The following IRS2 variants were observed in gnomAD, a reference collection of about 807,000 sequenced individuals.
IRS2 encodes insulin receptor substrate 2.
A neutral mutation model predicts 70.9 loss-of-function variants in IRS2; 28 were observed. The observed-to-expected ratio is 0.39, with a 90% CI of 0.29 to 0.54. The LOEUF is 0.54. Ranked by LOEUF, IRS2 falls within the 20% of genes least tolerant of loss-of-function variation. IRS2 has a pLI of 0.59. For missense variants in IRS2, 2,081 were observed against 2,024.1 expected (o/e 1.03, Z -0.54); for synonymous variants, 1,217 against 981.9 (o/e 1.24, Z -4.48).
At chr13:109,779,669 G>A (rs941468858) in intron 1 of IRS2, among the ~76,000 whole-genome samples, 4 of 151,908 alleles carry the variant, frequency 2.6e-5, no homozygotes, top group African/African-American at 4.8e-5. Flanking sequence ...TTTAAATGTC[G>A]TTGGGCATGG....
At position 109,783,935 on chromosome 13, in the gene IRS2, G is replaced by C. The variant is rs1877819485; in HGVS notation, c.2119C>G (p.Pro707Ala). 5 of 1,539,296 alleles carry C rather than the reference G, an allele frequency of 3.2e-6. No individual in the cohort carries two copies. The highest frequency in any genetic ancestry group is 4.4e-6 in the Non-Finnish European group (5 of 1,144,246). The change falls in exon 1 of 2, where the codon CCT becomes GCT. Residue 707 changes from proline (P) to alanine (A), a missense_variant. Physicochemically the swap from Pro to Ala is conservative, Grantham distance 27. This residue lies in a region of IRS2 where 1,615 missense variants were observed against 1,459.5 expected (regional missense o/e 1.11). Transcript: ENST00000375856. ...GCAGAGGTGGGTGCTGGCCCCGCAG[G>C]CCCCGCAGAAGGCACGGCGGCGGCG... ...AAAAAVPSAGPAGPAPTSAAG... is the reference protein window; with the variant it reads ...AAAAAVPSAGAAGPAPTSAAG...
In IRS2 at chr13:109,782,408, G is replaced by T. The variant is rs1395257802; in HGVS notation, c.3646C>A (p.Gln1216Lys). ...TGACCCGGGGTCCACGGCCGGCCCT[G>T]CGGTGCCAAAGGGGGCGCCGGCTGC... ...QLQPAPPLAP[Q>K]GRPWTPGQPG... The change falls in exon 1 of 2, where the codon CAG (glutamine) becomes AAG (lysine). Residue 1216 changes from glutamine to lysine, a missense_variant. Gln to Lys is a moderately conservative substitution (Grantham distance 53). Coordinates refer to ENST00000375856, the MANE Select transcript of IRS2 (RefSeq NM_003749.3). 3 of 1,604,054 alleles carry T rather than the reference G, an allele frequency of 1.9e-6. No homozygotes were observed. The highest frequency in any genetic ancestry group is 2.7e-5 in the African/African-American group (2 of 74,660).
chr13:109,763,468 A>C (rs1213295485), intron 1 of IRS2, among the ~76,000 whole-genome samples: 1 of 152,210 alleles, frequency 6.6e-6, no homozygotes, highest in Non-Finnish European at 1.5e-5. Flanking sequence ...GTGCTCAATA[A>C]ATCTAATCAT....
At position 109,784,554 on chromosome 13, in the gene IRS2, C is replaced by G. The variant is rs1284876231; in HGVS notation, c.1500G>C (p.Leu500=). The G allele has an allele frequency of 6.9e-7, 1 of 1,454,960 alleles. No homozygotes were observed. Among genetic ancestry groups the G allele is most frequent in the Admixed American group, 2.5e-5 (1 of 39,720 alleles). 90.1% of individuals were successfully genotyped at this position (1,454,960 alleles called of 1,614,324 possible). A position where few individuals can be genotyped will look rare whatever the true frequency, so the allele number is the denominator to read the frequency against. The change falls in exon 1 of 2, where the codon CTG becomes CTC. Residue 500 remains leucine, a synonymous_variant. Coordinates refer to ENST00000375856, the MANE Select transcript of IRS2 (RefSeq NM_003749.3). This position sits in a 1 kb window ranked among gnomAD's most constrained non-coding sequence, Gnocchi z 5.2. The part of the protein sequence containing the change: ...GSPSDPGFMS[L]DEYGSSPGDL... ...CGCCTGGGCTGGAGCCGTACTCGTC[C>G]AGGGACATGAAGCCGGGGTCGCTGG...
At chr13:109,761,340 G>T (rs1181515252) in intron 1 of IRS2, among the ~76,000 whole-genome samples, 1 of 152,224 alleles carries the variant, frequency 6.6e-6, no homozygotes, top group African/African-American at 2.4e-5. Context: ...TTGACAAAAT[G>T]AAACGATACA....
chr13:109,757,537 T>G (rs1877132888), intron 1 of IRS2, among the ~76,000 whole-genome samples: 1 of 152,134 alleles, frequency 6.6e-6, no homozygotes, highest in African/African-American at 2.4e-5. Context: ...CCACATCTCC[T>G]TATGAACTCG....
Position 109,784,718 on chromosome 13 carries a change from C to A in IRS2, c.1336G>T (p.Gly446Cys). ...AHSPPAATSP[G>C]SLSSSSGHGS... ...TGGCCGCTGCTGGACGACAGGGAGCCGGGGCTGGTGGCGGCGGGCGGCGAG... is the reference window on the plus strand; with the variant it reads ...TGGCCGCTGCTGGACGACAGGGAGCAGGGGCTGGTGGCGGCGGGCGGCGAG... Residue 446 changes from glycine to cysteine, a missense_variant, in exon 1 of 2, where the codon GGC (glycine) becomes TGC (cysteine). By Grantham distance (159) the Gly-to-Cys change is radical. This residue lies in a region of IRS2 where 1,615 missense variants were observed against 1,459.5 expected (regional missense o/e 1.11). Coordinates refer to ENST00000375856, the MANE Select transcript of IRS2 (RefSeq NM_003749.3). This position sits in a 1 kb window ranked among gnomAD's most constrained non-coding sequence, Gnocchi z 5.2. The A allele has an allele frequency of 1.6e-6, 2 of 1,237,214 alleles. No individual in the cohort carries two copies. Among genetic ancestry groups the A allele is most frequent in the Non-Finnish European group, 2.0e-6 (2 of 991,932 alleles). 76.6% of individuals were successfully genotyped at this position (1,237,214 alleles called of 1,614,324 possible).
chr13:109,783,041 G>C lies in IRS2; in HGVS notation c.3013C>G (p.Leu1005Val), dbSNP rs1877769677. 8.0e-6 allele frequency: 11 copies of C among 1,367,990 alleles called. No homozygotes were observed. The highest frequency in any genetic ancestry group is 1.0e-5 in the Non-Finnish European group (11 of 1,066,112). 84.7% of individuals were successfully genotyped at this position (1,367,990 alleles called of 1,614,324 possible). Residue 1005 changes from leucine to valine, a missense_variant, in exon 1 of 2, where the codon CTC becomes GTC. Around this residue, in one of 4 missense-constraint regions of IRS2, gnomAD observed 1,615 missense variants for 1,459.5 expected, o/e 1.11. Coordinates refer to ENST00000375856, the MANE Select transcript of IRS2 (RefSeq NM_003749.3). ...SGHPVGSLDG[L>V]LSPEASSPYP... The stretch of plus-strand genomic sequence containing the variant: ...GGGGAGGAGGCCTCGGGGGACAGGA[G>C]GCCGTCCAAGGAGCCCACGGGGTGG...
intron 1 of IRS2, among the ~76,000 whole-genome samples, chr13:109,778,627 A>T (rs550030068): frequency 1.3e-5 from 2 of 152,352 alleles, no homozygotes; most frequent in African/African-American, 4.8e-5. Flanking sequence ...TCAAAAGGCA[A>T]AACTTTTCAA....
At position 109,784,115 on chromosome 13, in the gene IRS2, G is replaced by C. The variant is rs137852740; in HGVS notation, c.1939C>G (p.Leu647Val). 8.0e-5 allele frequency: 128 copies of C among 1,594,720 alleles called. No individual in the cohort carries two copies. The highest frequency in any genetic ancestry group is 1.0e-4 in the Non-Finnish European group (120 of 1,177,640). ...IGSHRSSSSN[L>V]GADDGYMPMT... ...GGCATGTAGCCGTCGTCTGCCCCCA[G>C]GTTGCTGCTGGAGCTCCTGTGGGAG... Residue 647 changes from leucine to valine, a missense_variant, in exon 1 of 2, where the codon CTG (leucine) becomes GTG (valine). By Grantham distance (32) the Leu-to-Val change is conservative. Coordinates refer to ENST00000375856, the MANE Select transcript of IRS2 (RefSeq NM_003749.3). The surrounding 1 kb of genome is among the most constrained non-coding windows in gnomAD (Gnocchi z 5.2).
In IRS2 at chr13:109,784,591, G is replaced by A; in HGVS notation, c.1463C>T (p.Ala488Val). ...GCCGGGGTCGCTGGGGGAGCCCGAG[G>A]CGGAGGCGCTGCCGCTGGAGGGCCG... ...GQRPSSGSASASGSPSDPGFM... is the reference protein window; with the variant it reads ...GQRPSSGSASVSGSPSDPGFM... The change falls in exon 1 of 2, where the codon GCC becomes GTC. Residue 488 changes from alanine (A) to valine (V), a missense_variant. Coordinates refer to ENST00000375856, the MANE Select transcript of IRS2 (RefSeq NM_003749.3). This position sits in a 1 kb window ranked among gnomAD's most constrained non-coding sequence, Gnocchi z 5.2. The A allele has an allele frequency of 7.3e-7, 1 of 1,361,968 alleles. No homozygotes were observed. The highest frequency in any genetic ancestry group is 9.4e-7 in the Non-Finnish European group (1 of 1,063,044). 84.4% of individuals were successfully genotyped at this position (1,361,968 alleles called of 1,614,324 possible). A position where few individuals can be genotyped will look rare whatever the true frequency, so the allele number is the denominator to read the frequency against.
In IRS2 at chr13:109,754,437, T is replaced by C. The variant is rs1034427268; in HGVS notation, c.*1867A>G. 4.8e-6 allele frequency: 1 copy of C among 206,290 alleles called. No homozygotes were observed. The highest frequency in any genetic ancestry group is 9.9e-6 in the Non-Finnish European group (1 of 101,084). The allele number at this position is 206,290 out of a possible 1,614,324, so 12.8% of individuals were successfully genotyped here. ...ACACTGCTTTCAGCAGGGTCCATATTCAGTCCCTATCGTACCTGGGGGGAG... is the reference window on the plus strand; with the variant it reads ...ACACTGCTTTCAGCAGGGTCCATATCCAGTCCCTATCGTACCTGGGGGGAG... On this transcript the variant is annotated 3_prime_UTR_variant, in exon 2 of 2. Transcript: ENST00000375856.
chr13:109,756,113 A>G lies in IRS2; in HGVS notation c.*191T>C, dbSNP rs1566403651. ...AATGATGAATGCCCCATCCGGGAAC[A>G]AGGGAAAGAGGCAGGTGACCTTGCC... On this transcript the variant is annotated 3_prime_UTR_variant, in exon 2 of 2. Coordinates refer to ENST00000375856, the MANE Select transcript of IRS2 (RefSeq NM_003749.3). 1.7e-6 allele frequency: 1 copy of G among 583,264 alleles called. No individual in the cohort carries two copies. Among genetic ancestry groups the G allele is most frequent in the Admixed American group, 2.8e-5 (1 of 35,908 alleles). 36.1% of individuals were successfully genotyped at this position (583,264 alleles called of 1,614,324 possible). A position where few individuals can be genotyped will look rare whatever the true frequency, so the allele number is the denominator to read the frequency against.
Position 109,782,067 on chromosome 13 carries a change from G to A in IRS2, c.3987C>T (p.His1329=). ...TYASIDFLSH[H]LKEATIVKE is the part of the protein sequence containing the mutation. The stretch of plus-strand genomic sequence containing the variant: ...CTTTCACGATGGTGGCCTCCTTCAA[G>A]TGGTGGGACAAGAAGTCAATGCTGG... Residue 1329 remains histidine (H), a synonymous_variant, in exon 1 of 2, where the codon CAC becomes CAT. Transcript: ENST00000375856. 2 of 1,612,600 alleles carry A rather than the reference G, an allele frequency of 1.2e-6. No homozygotes were observed. The highest frequency in any genetic ancestry group is 1.1e-5 in the South Asian group (1 of 91,054).
In IRS2 at chr13:109,775,803, C is replaced by A. The variant is rs537930803; in HGVS notation, c.4012+6239G>T. On this transcript the variant is annotated intron_variant, in intron 1 of 1. Coordinates refer to ENST00000375856, the MANE Select transcript of IRS2 (RefSeq NM_003749.3). ...ACACACACACACACACACACACCAG[C>A]CCCAAATATTTGTTGCTGGAAAACC... Among the ~76,000 whole-genome samples, 202 of 147,858 alleles carry A rather than the reference C, an allele frequency of 1.4e-3. 2 individuals are homozygous for A. The highest frequency in any genetic ancestry group is 8.1e-4 in the Admixed American group (12 of 14,790).
rs1877038205 is a variant in IRS2, at chr13:109,753,484, C to A, written c.*2820G>T. 1 of 152,198 alleles carries A rather than the reference C, an allele frequency of 6.6e-6. No homozygotes were observed. Among genetic ancestry groups the A allele is most frequent in the Non-Finnish European group, 1.5e-5 (1 of 68,082 alleles). The allele number at this position is 152,198 out of a possible 1,614,324, so 9.4% of individuals were successfully genotyped here. Reference sequence around the variant, plus strand: ...CACAAGTCTCTTAGCATTTTTGTACCTCGGGCTCCTCCTCTGTAGAATGAG... The same window carrying A: ...CACAAGTCTCTTAGCATTTTTGTACATCGGGCTCCTCCTCTGTAGAATGAG... On this transcript the variant is annotated 3_prime_UTR_variant, in exon 2 of 2. Coordinates refer to ENST00000375856, the MANE Select transcript of IRS2 (RefSeq NM_003749.3).
chr13:109,785,595 C>A lies in IRS2; in HGVS notation c.459G>T (p.Ala153=), dbSNP rs758896671. Residue 153 remains alanine, a synonymous_variant, in exon 1 of 2, where the codon GCG becomes GCT. Transcript: ENST00000375856. This position sits in a 1 kb window ranked among gnomAD's most constrained non-coding sequence, Gnocchi z 9.3. ...VSEGRAAAGD[A]PPAAAPAASC... ...ACGCGGCGGGCGCGGCGGCGGGGGG[C>A]GCGTCTCCGGCGGCCGCGCGGCCCT... The A allele has an allele frequency of 5.1e-5, 69 of 1,349,164 alleles. 1 individual carries two copies. The South Asian group carries it at 1.3e-3, about 24-fold the overall frequency. 83.6% of individuals were successfully genotyped at this position (1,349,164 alleles called of 1,614,324 possible).
chr13:109,780,792 GC>G, intron 1 of IRS2, among the ~76,000 whole-genome samples: 1 of 146,436 alleles, frequency 6.8e-6, no homozygotes, highest in Admixed American at 6.7e-5. Flanking sequence ...CCTCTATCCT[GC>G]TAGGAACCCT....
At chr13:109,771,680 C>A (rs1251701112) in intron 1 of IRS2, among the ~76,000 whole-genome samples, 1 of 152,190 alleles carries the variant, frequency 6.6e-6, no homozygotes, top group Non-Finnish European at 1.5e-5. Flanking sequence ...TACCTACTAT[C>A]ATACCAGAAT....
Sources: allele counts gnomAD v4.1 joint callset (sites outside exome capture counted in the v4.1 genomes callset), GRCh38; gene constraint gnomAD v4.1.1; regional missense constraint gnomAD v4.1.1; non-coding constraint Gnocchi (gnomAD v3.1); transcripts MANE v1.5; gene names NCBI Gene and HGNC (gene_info 2026-07-23, HGNC 2026-07-21).